GRK3: variants seen among roughly 807,000 people sequenced by gnomAD.
GRK3 encodes the protein G protein-coupled receptor kinase 3.
In GRK3, 54 loss-of-function variants were observed where a neutral mutation model predicts 95.7. The observed-to-expected ratio is 0.56, with a 90% CI of 0.45 to 0.71. The LOEUF (loss-of-function observed/expected upper bound fraction) is 0.71. Ranked by LOEUF, GRK3 falls within the 30% of genes least tolerant of loss-of-function variation. GRK3 has a pLI of 0.00. For synonymous variants in GRK3, 281 were observed against 290.8 expected (o/e 0.97, Z 0.34); for missense variants, 649 against 851.2 (o/e 0.76, Z 2.96).
chr22:25,608,363 A>C (rs1421889768), intron 2 of GRK3, among the ~76,000 whole-genome samples: 1 of 152,166 alleles, frequency 6.6e-6, no homozygotes, highest in Non-Finnish European at 1.5e-5. Context: ...TTTAATTAGA[A>C]AGGTACGTGT....
intron 2 of GRK3, among the ~76,000 whole-genome samples, chr22:25,634,979 C>CGT (rs1234586934): frequency 1.3e-5 from 2 of 152,108 alleles, no homozygotes; most frequent in Non-Finnish European, 2.9e-5. Context: ...TCAGAAAAGT[C>CGT]GTAAGAATGG....
intron 3 of GRK3, chr22:25,647,450 G>A: frequency 1.5e-6 from 2 of 1,307,984 alleles, no homozygotes; most frequent in South Asian, 1.2e-5. Context: ...ACCATTTGGA[G>A]GATCCTCAGG....
At chr22:25,671,270 G>A (rs1273192550) in intron 6 of GRK3, among the ~76,000 whole-genome samples, 1 of 152,178 alleles carries the variant, frequency 6.6e-6, no homozygotes, top group Non-Finnish European at 1.5e-5. Flanking sequence ...AACCCGGGAG[G>A]CGGAGCTTGC....
chr22:25,647,885 C>T (rs1167890328), intron 3 of GRK3: 32 of 617,058 alleles, frequency 5.2e-5, no homozygotes, highest in East Asian at 1.0e-4. Flanking sequence ...CCGAGTTGGG[C>T]GGATCACCTG....
At chr22:25,713,400 A>G (rs1373451353) in intron 17 of GRK3, among the ~76,000 whole-genome samples, 1 of 152,220 alleles carries the variant, frequency 6.6e-6, no homozygotes, top group Non-Finnish European at 1.5e-5. Context: ...AGATTATTAT[A>G]ATAGATCAAT....
In GRK3 at chr22:25,666,789, G is replaced by T. The variant is rs1451633605; in HGVS notation, c.442-950G>T. On this transcript the variant is annotated intron_variant, in intron 5 of 20. Transcript: ENST00000324198. ...GTAAACTTTCAGGATGATCTATGAA[G>T]ACATAAAAAAAAGGTTAAATTTGGA... 4.6e-5 allele frequency among the ~76,000 whole-genome samples: 7 copies of T among 152,068 alleles called. No individual in the cohort carries two copies. In the East Asian group the frequency reaches 9.6e-4, roughly 21 times the overall value.
intron 9 of GRK3, 34 bp from the exon 10 acceptor site, chr22:25,685,136 G>T: frequency 1.1e-5 from 17 of 1,479,288 alleles, no homozygotes; most frequent in Non-Finnish European, 1.5e-5. Context: ...GGCAGCTTTT[G>T]CTCTTCTTAT....
intron 2 of GRK3, among the ~76,000 whole-genome samples, chr22:25,628,790 A>T (rs2084644906): frequency 6.6e-6 from 1 of 152,208 alleles, no homozygotes; most frequent in Non-Finnish European, 1.5e-5. Context: ...GTTGTTACAG[A>T]TCAGCATGAG....
chr22:25,677,402 G>T (rs372710116), intron 8 of GRK3, among the ~76,000 whole-genome samples: 23 of 114,020 alleles, frequency 2.0e-4, no homozygotes, highest in Non-Finnish European at 3.4e-4. Flanking sequence ...AAAAAAAAAA[G>T]AAAAGGAAAA....
intron 2 of GRK3, among the ~76,000 whole-genome samples, chr22:25,632,126 T>C (rs1227406447): frequency 6.6e-6 from 1 of 152,218 alleles, no homozygotes; most frequent in African/African-American, 2.4e-5. Flanking sequence ...TTAAAGAAAC[T>C]GCTTTCAAAG....
At chr22:25,589,749 A>G (rs1310471401) in intron 1 of GRK3, among the ~76,000 whole-genome samples, 1 of 152,228 alleles carries the variant, frequency 6.6e-6, no homozygotes, top group Non-Finnish European at 1.5e-5. Context: ...CTGCTAATAA[A>G]GACATACCTG....
chr22:25,642,600 A>G (rs1052532533), intron 2 of GRK3, among the ~76,000 whole-genome samples: 2 of 152,094 alleles, frequency 1.3e-5, no homozygotes, highest in African/African-American at 4.8e-5. Flanking sequence ...GTGATTTTTC[A>G]TGGCTTACTC....
At chr22:25,566,509 C>T (rs576212744) in intron 1 of GRK3, among the ~76,000 whole-genome samples, 12 of 152,288 alleles carry the variant, frequency 7.9e-5, no homozygotes, top group Middle Eastern at 6.8e-3. Flanking sequence ...TGCTTTTCCT[C>T]CTTAGCCCAT....
At chr22:25,660,553 C>G (rs898261461) in intron 3 of GRK3, among the ~76,000 whole-genome samples, 75 of 152,264 alleles carry the variant, frequency 4.9e-4, no homozygotes, top group African/African-American at 1.8e-3. Context: ...TTTCACGTAC[C>G]CTTTTTCCCT....
At chr22:25,607,919 A>C (rs2036911268) in intron 2 of GRK3, among the ~76,000 whole-genome samples, 1 of 151,988 alleles carries the variant, frequency 6.6e-6, no homozygotes, top group South Asian at 2.1e-4. Flanking sequence ...TGTTTCCTAC[A>C]TTTCCTGTAA....
chr22:25,719,822 A>G (rs1483356267), intron 19 of GRK3, among the ~76,000 whole-genome samples: 1 of 152,182 alleles, frequency 6.6e-6, no homozygotes, highest in Admixed American at 6.5e-5. Flanking sequence ...AAGTGTGGAA[A>G]ACAGGGCACC....
chr22:25,611,830 T>G (rs188470685), intron 2 of GRK3, among the ~76,000 whole-genome samples: 3 of 147,742 alleles, frequency 2.0e-5, no homozygotes, highest in African/African-American at 7.6e-5. Flanking sequence ...TAGTTTAGTG[T>G]CTTTTTTTTT....
At chr22:25,590,699 C>T (rs1200583268) in intron 1 of GRK3, among the ~76,000 whole-genome samples, 2 of 152,066 alleles carry the variant, frequency 1.3e-5, no homozygotes, top group Non-Finnish European at 2.9e-5. Flanking sequence ...TGGGCACCCA[C>T]AGTCCCAGCT....
chr22:25,576,238 C>T (rs1163378514), intron 1 of GRK3, among the ~76,000 whole-genome samples: 5 of 151,970 alleles, frequency 3.3e-5, no homozygotes, highest in South Asian at 2.1e-4. Context: ...GGTGGTATAG[C>T]GAGCACAGAC....
Sources: gnomAD v4.1 joint callset for allele counts (sites outside exome capture counted in the v4.1 genomes callset) on GRCh38, gnomAD v4.1.1 for gene constraint, MANE v1.5 for transcripts, NCBI Gene and HGNC (gene_info 2026-07-23, HGNC 2026-07-21) for gene names.